The following NKAIN2 variants were observed in gnomAD, a reference collection of about 807,000 sequenced individuals.
NKAIN2 encodes sodium/potassium-transporting ATPase subunit beta-1-interacting protein 2.
Under a neutral mutation model 32.6 loss-of-function variants are expected in NKAIN2, and 14 were observed. The ratio of observed to expected loss-of-function variants is 0.43; its 90% CI spans 0.28 to 0.67. NKAIN2 has a LOEUF of 0.67. Among genes scored for constraint, NKAIN2 ranks in the 30% least tolerant of loss-of-function variants. The pLI is 0.17. For missense variants in NKAIN2, 198 were observed against 258.3 expected (o/e 0.77, Z 1.60); for synonymous variants, 80 against 87.2 (o/e 0.92, Z 0.46).
chr6:124,258,057 G>A (rs544655408), intron 1 of NKAIN2, among the ~76,000 whole-genome samples: 177 of 151,994 alleles, frequency 1.2e-3, no homozygotes, highest in African/African-American at 4.2e-3. Context: ...TGGGATTACA[G>A]GTGTGAGCCA....
At chr6:123,897,318 T>C (rs1290089008) in intron 1 of NKAIN2, among the ~76,000 whole-genome samples, 2 of 152,166 alleles carry the variant, frequency 1.3e-5, no homozygotes, top group Non-Finnish European at 2.9e-5. Flanking sequence ...ATAGCAATTT[T>C]GACATACTTA....
intron 1 of NKAIN2, among the ~76,000 whole-genome samples, chr6:123,988,903 G>GTGTA (rs56658991): frequency 0.25 from 37,542 of 147,884 alleles, 6,261 homozygotes; most frequent in Admixed American, 0.48. Context: ...GTGTGTGTGT[G>GTGTA]TGTATGTGAG....
At chr6:124,128,234 C>A (rs1366753880) in intron 1 of NKAIN2, among the ~76,000 whole-genome samples, 1 of 152,166 alleles carries the variant, frequency 6.6e-6, no homozygotes. Flanking sequence ...CTGTTGTTAG[C>A]ATAGAAATCT....
chr6:124,696,752 A>T (rs2114555034), intron 4 of NKAIN2, among the ~76,000 whole-genome samples: 1 of 150,862 alleles, frequency 6.6e-6, no homozygotes, highest in Non-Finnish European at 1.5e-5. Context: ...AAATTTACAA[A>T]AAAGTAAAAG....
Position 124,519,121 on chromosome 6 carries a change from A to G in NKAIN2, c.274-139065A>G, listed in dbSNP as rs560097165. Among the ~76,000 whole-genome samples, 3 of 152,298 alleles carry G rather than the reference A, an allele frequency of 2.0e-5. No individual in the cohort carries two copies. In the East Asian group the frequency reaches 5.8e-4, roughly 29 times the overall value. The stretch of plus-strand genomic sequence containing the variant: ...GTGAAGTTAGATCACTACTTGTGAG[A>G]TCAGTTAGAAAAAATCAGGAAACTC... On this transcript the variant is annotated intron_variant, in intron 3 of 6. Coordinates refer to ENST00000368417, the MANE Select transcript of NKAIN2 (RefSeq NM_001040214.3).
chr6:124,329,817 T>G (rs757072368), intron 2 of NKAIN2, among the ~76,000 whole-genome samples: 1 of 152,226 alleles, frequency 6.6e-6, no homozygotes, highest in Non-Finnish European at 1.5e-5. Flanking sequence ...TTCTTTACTA[T>G]AAAGTATGTC....
intron 3 of NKAIN2, among the ~76,000 whole-genome samples, chr6:124,570,090 C>T (rs1042372468): frequency 9.9e-5 from 15 of 152,242 alleles, no homozygotes; most frequent in Admixed American, 8.5e-4. Flanking sequence ...AGCCCCTGCC[C>T]TAGAGATTTG....
At chr6:124,087,066 G>A (rs954360317) in intron 1 of NKAIN2, among the ~76,000 whole-genome samples, 4 of 151,822 alleles carry the variant, frequency 2.6e-5, no homozygotes, top group African/African-American at 9.7e-5. Flanking sequence ...TTTTAAAAAT[G>A]TAGATGGCAC....
rs372027380 is a variant in NKAIN2 at position 124,646,293 on chromosome 6, C to T, written c.274-11893C>T. 1.3e-4 allele frequency among the ~76,000 whole-genome samples: 20 copies of T among 151,944 alleles called. No individual in the cohort carries two copies. In the East Asian group the frequency reaches 1.5e-3, roughly 12 times the overall value. On this transcript the variant is annotated intron_variant, in intron 3 of 6. Transcript: ENST00000368417. Reference sequence around the variant, plus strand: ...ATAATTAGCTCTTGGAAGTTCAAAACGTTAAAAATTTTAAAATAGTTCACT... The same window carrying T: ...ATAATTAGCTCTTGGAAGTTCAAAATGTTAAAAATTTTAAAATAGTTCACT...
intron 4 of NKAIN2, among the ~76,000 whole-genome samples, chr6:124,711,306 G>GTCTTGGAGTTGC (rs201812631): frequency 0.14 from 687 of 5,046 alleles, 306 homozygotes; most frequent in East Asian, 1. Context: ...ACAATTATGT[G>GTCTTGGAGTTGC]TCTTCTCGAG....
intron 1 of NKAIN2, among the ~76,000 whole-genome samples, chr6:124,223,582 C>A (rs1356534490): frequency 1.3e-5 from 2 of 152,166 alleles, no homozygotes; most frequent in Non-Finnish European, 2.9e-5. Context: ...TTTAATCCCA[C>A]TTAAGCCCTT....
intron 1 of NKAIN2, among the ~76,000 whole-genome samples, chr6:124,199,502 G>A (rs1432433841): frequency 6.6e-6 from 1 of 152,122 alleles, no homozygotes; most frequent in Non-Finnish European, 1.5e-5. Flanking sequence ...TCTTCAAAGT[G>A]AAAAGTGTCA....
chr6:124,783,834 T>C lies in NKAIN2; in HGVS notation c.475-7505T>C, dbSNP rs140425610. Among the ~76,000 whole-genome samples the C allele has an allele frequency of 3.6e-3, 555 of 152,330 alleles. 2 individuals are homozygous for C. The highest frequency in any genetic ancestry group is 0.013 in the African/African-American group (536 of 41,588). On this transcript the variant is annotated intron_variant, in intron 4 of 6. Transcript: ENST00000368417. ...GCAACTTAAAATTATACTTTGTGTGTGCATAATATCCTTCTGTTCAAATTC... is the reference window on the plus strand; with the variant it reads ...GCAACTTAAAATTATACTTTGTGTGCGCATAATATCCTTCTGTTCAAATTC...
chr6:124,176,214 G>A (rs1277666651), intron 1 of NKAIN2, among the ~76,000 whole-genome samples: 3 of 152,158 alleles, frequency 2.0e-5, no homozygotes, highest in Non-Finnish European at 4.4e-5. Context: ...GAGACACAAA[G>A]TGAGCACATG....
In NKAIN2 at chr6:123,976,306, TGTTTCC is replaced by T. The variant is rs1398188198; in HGVS notation, c.54+172053_54+172058del. On this transcript the variant is annotated intron_variant, in intron 1 of 6. Transcript: ENST00000368417. ...TTCCATATATATGTTTCCATATATATGTTTCCATATATATATATGTTCCCATATATA... is the reference window on the plus strand; with the variant it reads ...TTCCATATATATGTTTCCATATATATATATATATATATGTTCCCATATATA... 8.0e-4 allele frequency among the ~76,000 whole-genome samples: 73 copies of T among 90,798 alleles called. 3 individuals carry two copies. The highest frequency in any genetic ancestry group is 1.9e-3 in the East Asian group (5 of 2,634). The allele number at this position is 90,798 out of a possible 152,430, so 59.6% of individuals were successfully genotyped here.
At chr6:124,236,720 A>C (rs1007955425) in intron 1 of NKAIN2, among the ~76,000 whole-genome samples, 3 of 152,164 alleles carry the variant, frequency 2.0e-5, no homozygotes, top group African/African-American at 7.2e-5. Flanking sequence ...CAGGGCTAGT[A>C]TAAAAGGCAA....
chr6:124,141,302 G>A (rs749725589), intron 1 of NKAIN2, among the ~76,000 whole-genome samples: 22 of 152,244 alleles, frequency 1.4e-4, no homozygotes, highest in Non-Finnish European at 2.4e-4. Context: ...TTCTTGGACC[G>A]TTAGCTAAAA....
chr6:124,707,907 G>C (rs1334756483), intron 4 of NKAIN2, among the ~76,000 whole-genome samples: 2 of 152,054 alleles, frequency 1.3e-5, no homozygotes, highest in Non-Finnish European at 2.9e-5. Context: ...TGGACATGAA[G>C]TCCTTGCCCA....
At chr6:123,837,462 T>C in intron 1 of NKAIN2, among the ~76,000 whole-genome samples, 1 of 152,156 alleles carries the variant, frequency 6.6e-6, no homozygotes, top group East Asian at 1.9e-4. Context: ...TATCAAGACA[T>C]TGTGTTGATT....
Sources: gnomAD v4.1 joint callset for allele counts (sites outside exome capture counted in the v4.1 genomes callset) on GRCh38, gnomAD v4.1.1 for gene constraint, MANE v1.5 for transcripts, NCBI Gene and HGNC (gene_info 2026-07-23, HGNC 2026-07-21) for gene names.